The following METTL4 variants were observed in gnomAD, a reference collection of about 807,000 sequenced individuals.
METTL4 encodes the protein N(6)-adenine-specific methyltransferase METTL4.
In METTL4, 40 loss-of-function variants were observed where a neutral mutation model predicts 54.0. The ratio of observed to expected loss-of-function variants is 0.74; its 90% CI spans 0.58 to 0.96. The LOEUF (loss-of-function observed/expected upper bound fraction) is 0.96. Ranked by LOEUF, METTL4 falls within the 50% of genes least tolerant of loss-of-function variation. The pLI is 0.00. For missense variants in METTL4, 525 were observed against 549.0 expected, an observed-to-expected ratio of 0.96 and a Z score of 0.44; for synonymous variants, 169 against 183.8, an observed-to-expected ratio of 0.92 and a Z score of 0.65.
At chr18:2,570,619 T>C (rs1159296710) in intron 1 of METTL4, among the ~76,000 whole-genome samples, 2 of 152,174 alleles carry the variant, frequency 1.3e-5, no homozygotes, top group African/African-American at 4.8e-5. Context: ...AATTTTTATA[T>C]TAATATAATC....
At chr18:2,564,666 G>A (rs2072375784) in intron 2 of METTL4, among the ~76,000 whole-genome samples, 1 of 152,128 alleles carries the variant, frequency 6.6e-6, no homozygotes, top group Admixed American at 6.5e-5. Context: ...CTCTTAGCAT[G>A]CTAACAATAA....
chr18:2,547,987 T>G (rs968485723), intron 5 of METTL4, among the ~76,000 whole-genome samples: 2 of 152,124 alleles, frequency 1.3e-5, no homozygotes, highest in Admixed American at 1.3e-4. Context: ...AGCCAATCTA[T>G]TCCAATGAAG....
At chr18:2,555,170 A>G (rs1442884248) in intron 3 of METTL4, 132 bp from the exon 4 acceptor site, 1 of 947,892 alleles carries the variant, frequency 1.1e-6, no homozygotes, top group African/African-American at 1.7e-5. Flanking sequence ...TCTGTACTAC[A>G]ATGAAAAGAA....
At chr18:2,561,039 AAAG>A (rs2072309892) in intron 3 of METTL4, 1 of 152,202 alleles carries the variant, frequency 6.6e-6, no homozygotes, top group African/African-American at 2.4e-5. Context: ...AATTTTTAAA[AAAG>A]AAAAAAAAAA....
chr18:2,554,404 G>C, intron 4 of METTL4: 1 of 358,196 alleles, frequency 2.8e-6, no homozygotes, highest in Non-Finnish European at 5.0e-6. Context: ...AAACACAACT[G>C]CATACCGAAT....
At chr18:2,565,336 G>A (rs746855348) in intron 2 of METTL4, among the ~76,000 whole-genome samples, 1 of 152,042 alleles carries the variant, frequency 6.6e-6, no homozygotes, top group Non-Finnish European at 1.5e-5. Context: ...AGATACTGGG[G>A]CCTACTGGAA....
At chr18:2,564,842 A>G (rs1478229506) in intron 2 of METTL4, among the ~76,000 whole-genome samples, 4 of 152,364 alleles carry the variant, frequency 2.6e-5, no homozygotes, top group East Asian at 1.9e-4. Context: ...ATTAATGCCC[A>G]TACCCTGTAA....
chr18:2,537,950 C>G lies in METTL4; in HGVS notation c.*1050G>C, dbSNP rs763946854. 22 of 398,306 alleles carry G rather than the reference C, an allele frequency of 5.5e-5. No individual in the cohort carries two copies. Among genetic ancestry groups the G allele is most frequent in the Non-Finnish European group, 8.4e-5 (19 of 225,988 alleles). The allele number at this position is 398,306 out of a possible 1,614,324, so 24.7% of individuals were successfully genotyped here. ...TGCAAAAGGAAAAATGAGAAGTTTT[C>G]AGGGTAAAGAAAGTGTTCTGTATCA... On this transcript the variant is annotated 3_prime_UTR_variant, in exon 9 of 9. Transcript: ENST00000574538.
chr18:2,544,770 G>T lies in METTL4; in HGVS notation c.1075-11C>A. 6.3e-7 allele frequency: 1 copy of T among 1,579,360 alleles called. No homozygotes were observed. Among genetic ancestry groups the T allele is most frequent in the Admixed American group, 1.7e-5 (1 of 59,128 alleles). On this transcript the variant is annotated splice_polypyrimidine_tract_variant and intron_variant, in intron 6 of 8. Coordinates refer to ENST00000574538, the MANE Select transcript of METTL4 (RefSeq NM_022840.5). ...TCCTGAATTGGTTATCTGATAGGAA[G>T]GAGCCAACAAAAGAGGGTTATTTTT...
chr18:2,567,104 T>C lies in METTL4; in HGVS notation c.113A>G (p.Glu38Gly), dbSNP rs747867180. 19 of 1,614,050 alleles carry C rather than the reference T, an allele frequency of 1.2e-5. No homozygotes were observed. The highest frequency in any genetic ancestry group is 1.4e-5 in the Non-Finnish European group (17 of 1,180,012). ...QHHEPCCRKK[E>G]FTTSVHFESL... ...CTCAAAGTGAACAGAAGTAGTGAAC[T>C]CCTTTTTACGGCAACAAGGTTCATG... The change falls in exon 2 of 9, where the codon GAG (glutamate) becomes GGG (glycine). Residue 38 changes from glutamate to glycine, a missense_variant. By Grantham distance (98) the Glu-to-Gly change is moderately conservative. Transcript: ENST00000574538.
chr18:2,560,131 C>T (rs1316041175), intron 3 of METTL4, among the ~76,000 whole-genome samples: 1 of 152,046 alleles, frequency 6.6e-6, no homozygotes, highest in African/African-American at 2.4e-5. Flanking sequence ...ATTAAAAAAC[C>T]TGATTTTGTT....
At chr18:2,547,984 C>A (rs1200216411) in intron 5 of METTL4, among the ~76,000 whole-genome samples, 1 of 152,192 alleles carries the variant, frequency 6.6e-6, no homozygotes, top group African/African-American at 2.4e-5. Context: ...TAAAGCCAAT[C>A]TATTCCAATG....
At chr18:2,539,551 G>A (rs533067518) in intron 8 of METTL4, among the ~76,000 whole-genome samples, 13 of 149,294 alleles carry the variant, frequency 8.7e-5, no homozygotes, top group Non-Finnish European at 1.9e-4. Context: ...GTGCAATCTC[G>A]GCTCACTGCA....
At chr18:2,559,039 T>C (rs2072277801) in intron 3 of METTL4, among the ~76,000 whole-genome samples, 1 of 152,168 alleles carries the variant, frequency 6.6e-6, no homozygotes, top group Non-Finnish European at 1.5e-5. Context: ...ATAGAACCAC[T>C]GTGGAAGGCA....
In METTL4 at chr18:2,538,791, T is replaced by C; in HGVS notation, c.*209A>G. ...TGCTTACCACTTAATTTGTATAGTC[T>C]AGAATAACATAGAATGTTAGTGCAA... On this transcript the variant is annotated 3_prime_UTR_variant, in exon 9 of 9. Transcript: ENST00000574538. 1.8e-6 allele frequency: 1 copy of C among 562,842 alleles called. No homozygotes were observed. The highest frequency in any genetic ancestry group is 3.1e-6 in the Non-Finnish European group (1 of 320,198). The allele number at this position is 562,842 out of a possible 1,614,324, so 34.9% of individuals were successfully genotyped here.
At chr18:2,568,223 T>C (rs1218852176) in intron 1 of METTL4, among the ~76,000 whole-genome samples, 2 of 152,242 alleles carry the variant, frequency 1.3e-5, no homozygotes, top group Non-Finnish European at 2.9e-5. Flanking sequence ...CCTGTAGCCT[T>C]ACTGAGTGCA....
At chr18:2,539,460 G>A (rs2071960741) in intron 8 of METTL4, among the ~76,000 whole-genome samples, 1 of 142,336 alleles carries the variant, frequency 7.0e-6, no homozygotes, top group African/African-American at 2.6e-5. Flanking sequence ...TATATCTCCT[G>A]AGTATTAACT....
chr18:2,560,769 C>T (rs1440418397), intron 3 of METTL4, among the ~76,000 whole-genome samples: 1 of 151,986 alleles, frequency 6.6e-6, no homozygotes, highest in Non-Finnish European at 1.5e-5. Context: ...ATCCCAGCTA[C>T]TCGGGAGGCT....
In METTL4 at chr18:2,539,849, T is replaced by C. The variant is rs1020056008; in HGVS notation, c.1274-704A>G. ...CTAAAAAAAATTGAAAAACAACCCATTTAAAAAAAAAAAAGACAAAAGTCT... is the reference window on the plus strand; with the variant it reads ...CTAAAAAAAATTGAAAAACAACCCACTTAAAAAAAAAAAAGACAAAAGTCT... On this transcript the variant is annotated intron_variant, in intron 8 of 8. Coordinates refer to ENST00000574538, the MANE Select transcript of METTL4 (RefSeq NM_022840.5). 24 of 871,282 alleles carry C rather than the reference T, an allele frequency of 2.8e-5. No individual in the cohort carries two copies. The South Asian group carries it at 6.3e-4, about 23-fold the overall frequency. The allele number at this position is 871,282 out of a possible 1,614,324, so 54.0% of individuals were successfully genotyped here. A position where few individuals can be genotyped will look rare whatever the true frequency, so the allele number is the denominator to read the frequency against.
Sources: allele counts gnomAD v4.1 joint callset (sites outside exome capture counted in the v4.1 genomes callset), GRCh38; gene constraint gnomAD v4.1.1; transcripts MANE v1.5; gene names NCBI Gene and HGNC (gene_info 2026-07-23, HGNC 2026-07-21).